Variants in SLC28A1 observed in about 807,000 individuals in gnomAD.
The protein encoded by SLC28A1 is solute carrier family 28 member 1, also known as sodium/nucleoside cotransporter 1.
In SLC28A1, 64 loss-of-function variants were observed where a neutral mutation model predicts 74.8. That is an observed-to-expected ratio of 0.86 (90% CI 0.70 to 1.05). The LOEUF (loss-of-function observed/expected upper bound fraction) is 1.05, where lower values mean the gene tolerates loss of function less well. Among genes scored for constraint, SLC28A1 ranks in the 50% least tolerant of loss-of-function variants. The pLI, the probability that SLC28A1 is intolerant of heterozygous loss-of-function variation, is 0.00. For missense variants in SLC28A1, 828 were observed against 822.8 expected, an observed-to-expected ratio of 1.01 and a Z score of -0.08; for synonymous variants, 359 against 335.0, an observed-to-expected ratio of 1.07 and a Z score of -0.78.
chr15:84,885,131 G>A (rs1362530680), intron 1 of SLC28A1, among the ~76,000 whole-genome samples: 2 of 151,876 alleles, frequency 1.3e-5, no homozygotes, highest in South Asian at 2.1e-4. Flanking sequence ...GCTAATTTTT[G>A]TATTTTTAGT....
At chr15:84,912,826 AC>A (rs1968529852) in intron 9 of SLC28A1, among the ~76,000 whole-genome samples, 2 of 151,500 alleles carry the variant, frequency 1.3e-5, no homozygotes, top group Non-Finnish European at 2.9e-5. Context: ...ACACACACAC[AC>A]ACACACACAC....
At chr15:84,948,464 A>C (rs2142084316), downstream of SLC28A1, among the ~76,000 whole-genome samples, 1 of 152,240 alleles carries the variant, frequency 6.6e-6, no homozygotes, top group Admixed American at 6.5e-5. Flanking sequence ...CCAGGATTGA[A>C]TGCCTGACTC....
the SLC28A1 span, among the ~76,000 whole-genome samples, chr15:84,965,544 A>G: frequency 6.6e-6 from 1 of 152,210 alleles, no homozygotes; most frequent in Non-Finnish European, 1.5e-5. Flanking sequence ...AATAAAATCA[A>G]CATGTCCTGG....
chr15:84,969,480 A>G, the SLC28A1 span, among the ~76,000 whole-genome samples: 2 of 152,166 alleles, frequency 1.3e-5, no homozygotes, highest in South Asian at 2.1e-4. Flanking sequence ...TGCTGGCATC[A>G]CCATTGCTGC....
rs1484468466 is a variant in SLC28A1, at chr15:84,918,394, C to A, written c.796-130C>A. On this transcript the variant is annotated intron_variant, in intron 9 of 18. Coordinates refer to ENST00000394573, the MANE Select transcript of SLC28A1 (RefSeq NM_004213.5). ...ATGCACTGATCTCAGAGCATCTTCC[C>A]GGATCCTGTCAGGCATCTGAGTGGC... 5.2e-6 allele frequency: 4 copies of A among 767,890 alleles called. No individual in the cohort carries two copies. The African/African-American group carries it at 6.8e-5, about 13-fold the overall frequency. 47.6% of individuals were successfully genotyped at this position (767,890 alleles called of 1,614,324 possible). A position where few individuals can be genotyped will look rare whatever the true frequency, so the allele number is the denominator to read the frequency against.
rs1490508617 is a variant in SLC28A1 at position 84,904,090 on chromosome 15, C to G, written c.462-7C>G. 9.3e-6 allele frequency: 15 copies of G among 1,614,144 alleles called. No individual in the cohort carries two copies. Among genetic ancestry groups the G allele is most frequent in the Non-Finnish European group, 1.3e-5 (15 of 1,180,024 alleles). ...GAGGGTAATGGCTTTCTGTCTCTTG[C>G]CTGCAGGGGTCTAGCTCTTGCTGCT... On this transcript the variant is annotated splice_polypyrimidine_tract_variant and splice_region_variant and intron_variant, in intron 6 of 18. Transcript: ENST00000394573.
At chr15:84,958,749 T>C in the SLC28A1 span, among the ~76,000 whole-genome samples, 1 of 152,048 alleles carries the variant, frequency 6.6e-6, no homozygotes, top group Non-Finnish European at 1.5e-5. Context: ...AGAGATGAGA[T>C]ATCATTATGT....
At chr15:84,933,084 T>G in intron 12 of SLC28A1, 61 bp from the exon 13 acceptor site, 2 of 1,601,322 alleles carry the variant, frequency 1.2e-6, no homozygotes, top group Non-Finnish European at 1.7e-6. Flanking sequence ...TGGGCCGCAC[T>G]CCTTGGTCGC....
the SLC28A1 span, among the ~76,000 whole-genome samples, chr15:84,962,004 G>A: frequency 6.6e-6 from 1 of 152,156 alleles, no homozygotes; most frequent in Non-Finnish European, 1.5e-5. Flanking sequence ...GGTGGTCAGA[G>A]CATAAAAGCT....
intron 6 of SLC28A1, chr15:84,895,423 T>G: frequency 6.2e-7 from 1 of 1,613,954 alleles, no homozygotes; most frequent in Non-Finnish European, 8.5e-7. Context: ...AGTACCTCCC[T>G]CAGATCACCT....
chr15:84,936,041 G>A (rs1285853816), intron 15 of SLC28A1, among the ~76,000 whole-genome samples: 7 of 127,866 alleles, frequency 5.5e-5, no homozygotes, highest in African/African-American at 1.2e-4. Flanking sequence ...TGCAAGCTCC[G>A]CCTCCCGGGT....
At chr15:84,906,581 C>T (rs11636630) in intron 8 of SLC28A1, among the ~76,000 whole-genome samples, 99 of 50,792 alleles carry the variant, frequency 1.9e-3, no homozygotes, top group East Asian at 9.0e-3. Flanking sequence ...TTTCTTCCTT[C>T]CTTCCTTCCT....
intron 15 of SLC28A1, among the ~76,000 whole-genome samples, chr15:84,942,393 T>A (rs999839132): frequency 7.2e-5 from 11 of 152,216 alleles, no homozygotes; most frequent in African/African-American, 2.7e-4. Flanking sequence ...ATTCTAACTA[T>A]TTTTTTGTAC....
chr15:84,942,008 A>T (rs1457080334), intron 15 of SLC28A1, among the ~76,000 whole-genome samples: 5 of 152,176 alleles, frequency 3.3e-5, no homozygotes, highest in Non-Finnish European at 4.4e-5. Context: ...CCAAAATAAG[A>T]GTAATAATAG....
intron 5 of SLC28A1, 72 bp from the exon 6 acceptor site, chr15:84,894,868 C>G: frequency 2.0e-6 from 3 of 1,470,430 alleles, no homozygotes; most frequent in Non-Finnish European, 9.5e-7. Flanking sequence ...AGGTGGAGTC[C>G]GCGGGCGGGG....
At chr15:84,913,640 A>G (rs1342339640) in intron 9 of SLC28A1, among the ~76,000 whole-genome samples, 1 of 152,252 alleles carries the variant, frequency 6.6e-6, no homozygotes, top group Non-Finnish European at 1.5e-5. Flanking sequence ...TAGAAGAGCT[A>G]GAATTTCCTT....
chr15:84,935,331 C>G lies in SLC28A1; in HGVS notation c.1394C>G (p.Ser465Cys). 1 of 1,614,202 alleles carries G rather than the reference C, an allele frequency of 6.2e-7. No individual in the cohort carries two copies. The highest frequency in any genetic ancestry group is 1.3e-5 in the African/African-American group (1 of 75,050). ...IQGLSFQLIC[S>C]YILRPVAFLM... is the part of the protein sequence containing the mutation. Reference sequence around the variant, plus strand: ...CCGTTGTGCCCTCAGCTCATCTGCTCCTACATCCTGCGGCCTGTAGCCTTC... The same window carrying G: ...CCGTTGTGCCCTCAGCTCATCTGCTGCTACATCCTGCGGCCTGTAGCCTTC... Residue 465 changes from serine to cysteine, a missense_variant, in exon 15 of 19, where the codon TCC becomes TGC. By Grantham distance (112) the Ser-to-Cys change is moderately radical. Transcript: ENST00000394573.
chr15:84,975,504 G>A, the SLC28A1 span: 1 of 456,202 alleles, frequency 2.2e-6, no homozygotes, highest in Non-Finnish European at 4.4e-6. Flanking sequence ...CTTGCTCTTA[G>A]GATATTCAAA....
Position 84,944,558 on chromosome 15 carries a change from C to T in SLC28A1, c.1664-8C>T. The stretch of plus-strand genomic sequence containing the variant: ...TCCCAGGCCCTGAGCACTTCTGTCC[C>T]CTTGCAGCCTCCATGGTCCCCCAAC... On this transcript the variant is annotated splice_region_variant and splice_polypyrimidine_tract_variant and intron_variant, in intron 16 of 18. Transcript: ENST00000394573. 6.2e-7 allele frequency: 1 copy of T among 1,606,968 alleles called. No homozygotes were observed. The highest frequency in any genetic ancestry group is 8.5e-7 in the Non-Finnish European group (1 of 1,173,694).
Sources: gnomAD v4.1 joint callset for allele counts (sites outside exome capture counted in the v4.1 genomes callset) on GRCh38, gnomAD v4.1.1 for gene constraint, MANE v1.5 for transcripts, NCBI Gene and HGNC (gene_info 2026-07-23, HGNC 2026-07-21) for gene names.